The following IGFL2 variants were observed in gnomAD, a reference collection of about 807,000 sequenced individuals.
The protein encoded by IGFL2 is IGF like family member 2.
A neutral mutation model predicts 13.9 loss-of-function variants in IGFL2; 7 were observed. That is an observed-to-expected ratio of 0.51 (90% confidence interval 0.29 to 0.95). IGFL2 has a LOEUF of 0.95. Among genes scored for constraint, IGFL2 ranks in the 40% least tolerant of loss-of-function variants. The probability of loss-of-function intolerance (pLI) is 0.08; values close to 1 mark genes in which losing one functional copy is unlikely to be tolerated. For missense variants in IGFL2, 138 were observed against 147.8 expected, an observed-to-expected ratio of 0.93 and a Z score of 0.34; for synonymous variants, 55 against 55.8, an observed-to-expected ratio of 0.99 and a Z score of 0.07.
chr19:46,170,284 G>A, the IGFL2 span, among the ~76,000 whole-genome samples: 22 of 152,148 alleles, frequency 1.4e-4, no homozygotes, highest in South Asian at 2.1e-4. Context: ...TGCTGAAGCC[G>A]TAACAGAAGA....
chr19:46,198,614 A>C, the IGFL2 span, among the ~76,000 whole-genome samples: 1 of 152,136 alleles, frequency 6.6e-6, no homozygotes. Flanking sequence ...TCGTGCTGGA[A>C]TAAACTCTCT....
chr19:46,120,243 T>C, the IGFL2 span: 22 of 1,585,246 alleles, frequency 1.4e-5, no homozygotes, highest in Non-Finnish European at 1.9e-5. Flanking sequence ...AAGTTGCTTC[T>C]CTCCGAAGTT....
the IGFL2 span, among the ~76,000 whole-genome samples, chr19:46,190,624 T>G: frequency 6.6e-6 from 1 of 152,208 alleles, no homozygotes; most frequent in Non-Finnish European, 1.5e-5. Context: ...GGACTGTATC[T>G]GCAGCCTACC....
the IGFL2 span, among the ~76,000 whole-genome samples, chr19:46,085,133 C>T: frequency 1.3e-5 from 2 of 152,108 alleles, no homozygotes; most frequent in Non-Finnish European, 2.9e-5. Context: ...GTTTGAAACC[C>T]AGCAGGGCAG....
the IGFL2 span, among the ~76,000 whole-genome samples, chr19:46,197,855 C>T: frequency 6.6e-6 from 1 of 152,042 alleles, no homozygotes; most frequent in African/African-American, 2.4e-5. Context: ...TGGACTGGCC[C>T]TGGCTGCCCT....
the IGFL2 span, among the ~76,000 whole-genome samples, chr19:46,169,622 C>T: frequency 2.0e-5 from 3 of 151,956 alleles, no homozygotes; most frequent in Non-Finnish European, 2.9e-5. Context: ...CCAAGGTGGG[C>T]GGATCACCTG....
the IGFL2 span, among the ~76,000 whole-genome samples, chr19:46,178,324 G>A: frequency 6.6e-6 from 1 of 152,194 alleles, no homozygotes; most frequent in African/African-American, 2.4e-5. Flanking sequence ...AACAGACTCT[G>A]TGACAATAAG....
At chr19:46,092,690 A>C in the IGFL2 span, among the ~76,000 whole-genome samples, 1 of 151,562 alleles carries the variant, frequency 6.6e-6, no homozygotes, top group Non-Finnish European at 1.5e-5. Context: ...TGTGTTGCCT[A>C]GGCTTGTCTT....
At chr19:46,090,919 A>G in the IGFL2 span, among the ~76,000 whole-genome samples, 1 of 152,146 alleles carries the variant, frequency 6.6e-6, no homozygotes, top group Non-Finnish European at 1.5e-5. Flanking sequence ...GGTCCAAGGC[A>G]AAATTTTGTT....
chr19:46,102,159 T>C, the IGFL2 span, among the ~76,000 whole-genome samples: 13 of 152,228 alleles, frequency 8.5e-5, no homozygotes, highest in Admixed American at 8.5e-4. Context: ...TTGTACCCAC[T>C]CTGCAAGTTT....
chr19:46,156,963 G>A lies in IGFL2; in HGVS notation c.20-3452G>A, dbSNP rs370988684. 3.7e-4 allele frequency among the ~76,000 whole-genome samples: 57 copies of A among 152,214 alleles called. No individual in the cohort carries two copies. In the South Asian group the frequency reaches 0.011, roughly 30 times the overall value. On this transcript the variant is annotated intron_variant, in intron 1 of 3. Coordinates refer to ENST00000377693, the MANE Select transcript of IGFL2 (RefSeq NM_001135113.2). ...GAATGAGACAGGAGATATAGGTTTTGCAGACACTAAAAGAATAATAGTGGA... is the reference window on the plus strand; with the variant it reads ...GAATGAGACAGGAGATATAGGTTTTACAGACACTAAAAGAATAATAGTGGA...
Position 46,160,642 on chromosome 19 carries a change from C to T in IGFL2, c.102C>T (p.Cys34=). 1.9e-6 allele frequency: 3 copies of T among 1,614,166 alleles called. No homozygotes were observed. Among genetic ancestry groups the T allele is most frequent in the Non-Finnish European group, 2.5e-6 (3 of 1,180,018 alleles). The change falls in exon 3 of 4, where the codon TGC becomes TGT. Residue 34 remains cysteine, a synonymous_variant. Coordinates refer to ENST00000377693, the MANE Select transcript of IGFL2 (RefSeq NM_001135113.2). The part of the protein sequence containing the change: ...IAPAGSEPWL[C]QPAPRCGDKI... ...CCGCTGGCTCAGAACCATGGCTGTG[C>T]CAGCCGGCACCCAGGTGTGGAGACA...
chr19:46,131,047 T>C, the IGFL2 span, among the ~76,000 whole-genome samples: 42 of 152,330 alleles, frequency 2.8e-4, no homozygotes, highest in African/African-American at 6.5e-4. Context: ...ATTTTTACTT[T>C]CTTTTTAGTC....
intron 1 of IGFL2, among the ~76,000 whole-genome samples, chr19:46,156,329 T>C (rs1973822273): frequency 6.6e-6 from 1 of 152,236 alleles, no homozygotes; most frequent in Admixed American, 6.5e-5. Flanking sequence ...GTTTCTCACC[T>C]TTCTTTAGAT....
upstream of IGFL2, among the ~76,000 whole-genome samples, chr19:46,146,325 A>T (rs149823676): frequency 4.9e-3 from 753 of 152,254 alleles, 4 homozygotes; most frequent in African/African-American, 0.017. Flanking sequence ...ATCCATGTCT[A>T]TCCATTTGCC....
chr19:46,159,716 A>C (rs543045661), intron 1 of IGFL2: 1 of 152,142 alleles, frequency 6.6e-6, no homozygotes, highest in South Asian at 2.1e-4. Flanking sequence ...CATTTCCTTT[A>C]TCTCTCAACC....
At chr19:46,088,672 G>C in the IGFL2 span, among the ~76,000 whole-genome samples, 2 of 152,198 alleles carry the variant, frequency 1.3e-5, no homozygotes, top group African/African-American at 2.4e-5. Context: ...ATCTGTTCTG[G>C]AGTTGAGGCA....
chr19:46,101,411 C>T, the IGFL2 span, among the ~76,000 whole-genome samples: 1 of 152,216 alleles, frequency 6.6e-6, no homozygotes, highest in Non-Finnish European at 1.5e-5. Flanking sequence ...TTCCCTAAGG[C>T]CCTGGCTGGG....
At chr19:46,129,307 TTG>T in the IGFL2 span, among the ~76,000 whole-genome samples, 11,907 of 136,844 alleles carry the variant, frequency 0.087, 480 homozygotes, top group Middle Eastern at 0.11. Flanking sequence ...TGTTGATCTT[TTG>T]TGTGTGTGTG....
Sources: gnomAD v4.1 joint callset for allele counts (sites outside exome capture counted in the v4.1 genomes callset) on GRCh38, gnomAD v4.1.1 for gene constraint, MANE v1.5 for transcripts, NCBI Gene and HGNC (gene_info 2026-07-23, HGNC 2026-07-21) for gene names.